DLC1: variants seen among roughly 807,000 people sequenced by gnomAD.
The protein encoded by DLC1 is DLC1 Rho GTPase activating protein, also known as rho GTPase-activating protein 7.
Under a neutral mutation model 140.3 loss-of-function variants are expected in DLC1, and 54 were observed. The ratio of observed to expected loss-of-function variants is 0.38; its 90% CI spans 0.31 to 0.48. DLC1 has a LOEUF of 0.48. DLC1 is among the 20% of genes least tolerant of loss of function. The probability of loss-of-function intolerance (pLI) is 0.96; values close to 1 mark genes in which losing one functional copy is unlikely to be tolerated. For missense variants in DLC1, 2,536 were observed against 1,907.0 expected, an observed-to-expected ratio of 1.33 and a Z score of -6.14; for synonymous variants, 986 against 728.1, an observed-to-expected ratio of 1.35 and a Z score of -5.70.
chr8:13,394,406 G>C (rs1436567263), intron 3 of DLC1, among the ~76,000 whole-genome samples: 3 of 152,138 alleles, frequency 2.0e-5, no homozygotes, highest in Non-Finnish European at 4.4e-5. Context: ...TTATTATTAT[G>C]TTTTCTTAGC....
At chr8:13,491,849 T>A (rs1305505197) in intron 2 of DLC1, among the ~76,000 whole-genome samples, 2 of 152,194 alleles carry the variant, frequency 1.3e-5, no homozygotes, top group African/African-American at 4.8e-5. Context: ...TCATGACACT[T>A]AGCATTATCC....
intron 5 of DLC1, among the ~76,000 whole-genome samples, chr8:13,199,281 C>G (rs566649626): frequency 6.8e-6 from 1 of 146,978 alleles, no homozygotes; most frequent in South Asian, 2.2e-4. Context: ...AACTCCTAGG[C>G]TCAAGCAGTC....
rs141923345 is a variant in DLC1, at chr8:13,370,501, C to T, written c.1314+23052G>A. ...CTCCAGGGCAGACTTCTTCTTGGAG[C>T]TCCACACAGAGATATTTAAACTGCT... On this transcript the variant is annotated intron_variant, in intron 4 of 17. Transcript: ENST00000276297. Among the ~76,000 whole-genome samples, 1,242 of 151,964 alleles carry T rather than the reference C, an allele frequency of 8.2e-3. 12 individuals are homozygous for T. The highest frequency in any genetic ancestry group is 0.012 in the Non-Finnish European group (793 of 67,956).
intron 2 of DLC1, among the ~76,000 whole-genome samples, chr8:13,444,268 G>T (rs1485615583): frequency 2.0e-5 from 3 of 152,130 alleles, no homozygotes; most frequent in Admixed American, 1.3e-4. Flanking sequence ...CTTGGACACA[G>T]GGTGGGGAAC....
At chr8:13,122,040 T>C (rs767276067) in intron 5 of DLC1, among the ~76,000 whole-genome samples, 29 of 152,144 alleles carry the variant, frequency 1.9e-4, no homozygotes, top group Non-Finnish European at 1.9e-4. Context: ...CCTTGGATTA[T>C]CCTAACAGCC....
intron 13 of DLC1, among the ~76,000 whole-genome samples, chr8:13,092,330 C>T (rs1818141950): frequency 6.6e-6 from 1 of 152,186 alleles, no homozygotes; most frequent in Non-Finnish European, 1.5e-5. Context: ...GGCCCCAGGC[C>T]TCTAGCTAAG....
chr8:13,349,366 C>G (rs1274525569), intron 4 of DLC1, among the ~76,000 whole-genome samples: 2 of 151,954 alleles, frequency 1.3e-5, no homozygotes, highest in African/African-American at 2.4e-5. Flanking sequence ...TTAGAGCCCT[C>G]TCAAAACACA....
chr8:13,402,468 T>C (rs1397964188), intron 2 of DLC1, among the ~76,000 whole-genome samples: 2 of 152,174 alleles, frequency 1.3e-5, no homozygotes, highest in African/African-American at 2.4e-5. Context: ...AAAAAAATAC[T>C]GTAGAAAGCA....
At chr8:13,317,533 A>G (rs1484234813) in intron 4 of DLC1, among the ~76,000 whole-genome samples, 1 of 152,188 alleles carries the variant, frequency 6.6e-6, no homozygotes, top group Non-Finnish European at 1.5e-5. Flanking sequence ...ATAAATTCGA[A>G]TTCTAGGAGA....
chr8:13,256,786 C>A (rs887749556), intron 5 of DLC1, among the ~76,000 whole-genome samples: 5 of 151,400 alleles, frequency 3.3e-5, no homozygotes, highest in Non-Finnish European at 7.4e-5. Context: ...GATCTTAAAC[C>A]CTAGATGATG....
intron 4 of DLC1, among the ~76,000 whole-genome samples, chr8:13,321,271 G>T (rs981075558): frequency 9.9e-5 from 15 of 152,140 alleles, no homozygotes; most frequent in Admixed American, 6.5e-4. Context: ...CCGGCGCAAT[G>T]GCTCATGCCT....
chr8:13,231,979 C>T (rs1190096407), intron 5 of DLC1, among the ~76,000 whole-genome samples: 1 of 152,186 alleles, frequency 6.6e-6, no homozygotes, highest in Non-Finnish European at 1.5e-5. Flanking sequence ...CTGCCACATC[C>T]AGTGAGGCCT....
At chr8:13,260,634 A>G (rs1830436552) in intron 5 of DLC1, among the ~76,000 whole-genome samples, 1 of 150,624 alleles carries the variant, frequency 6.6e-6, no homozygotes, top group Non-Finnish European at 1.5e-5. Flanking sequence ...GGAAAGAAAA[A>G]GAAAGGAAGG....
intron 5 of DLC1, among the ~76,000 whole-genome samples, chr8:13,249,943 G>A (rs1216128017): frequency 1.3e-5 from 2 of 152,008 alleles, no homozygotes; most frequent in Non-Finnish European, 2.9e-5. Flanking sequence ...AATTGTTTTT[G>A]CCTGCCAGAA....
At chr8:13,389,253 C>T (rs1376457996) in intron 4 of DLC1, among the ~76,000 whole-genome samples, 7 of 152,032 alleles carry the variant, frequency 4.6e-5, no homozygotes, top group Non-Finnish European at 4.4e-5. Context: ...CACAACAAAA[C>T]CTCAGAGATT....
At chr8:13,600,207 C>T (rs1481932196) in intron 1 of DLC1, among the ~76,000 whole-genome samples, 1 of 151,808 alleles carries the variant, frequency 6.6e-6, no homozygotes, top group African/African-American at 2.4e-5. Flanking sequence ...AGCTAGTGCA[C>T]TATGAAGAGA....
chr8:13,553,203 C>T (rs1356705863), intron 1 of DLC1, among the ~76,000 whole-genome samples: 4 of 68,020 alleles, frequency 5.9e-5, no homozygotes, highest in East Asian at 8.8e-4. Context: ...TGCCAGCTGT[C>T]ATATATATAT....
chr8:13,598,017 T>A (rs962038298), intron 1 of DLC1, among the ~76,000 whole-genome samples: 4 of 152,088 alleles, frequency 2.6e-5, no homozygotes, highest in African/African-American at 9.7e-5. Context: ...GATTACTAAT[T>A]TTGCTCCGCC....
intron 4 of DLC1, among the ~76,000 whole-genome samples, chr8:13,387,434 C>A (rs1836572671): frequency 6.6e-6 from 1 of 151,698 alleles, no homozygotes; most frequent in African/African-American, 2.4e-5. Context: ...TAAAAATTTG[C>A]CTTTAAATTT....
Sources: gnomAD v4.1 joint callset for allele counts (sites outside exome capture counted in the v4.1 genomes callset) on GRCh38, gnomAD v4.1.1 for gene constraint, MANE v1.5 for transcripts, NCBI Gene and HGNC (gene_info 2026-07-23, HGNC 2026-07-21) for gene names.